TAS2R13: variants seen among roughly 807,000 people sequenced by gnomAD.
The protein encoded by TAS2R13 is taste receptor type 2 member 13.
For synonymous variants in TAS2R13, 129 were observed against 125.5 expected (o/e 1.03, Z -0.19); for missense variants, 384 against 347.5 (o/e 1.11, Z -0.84).
the TAS2R13 span, chr12:10,908,559 CAT>C: frequency 6.2e-7 from 1 of 1,613,864 alleles, no homozygotes; most frequent in Non-Finnish European, 8.5e-7. Flanking sequence ...TATGAGAACA[CAT>C]AGAAAGAAAC....
At position 10,908,491 on chromosome 12, in the gene TAS2R13, C is replaced by T. The variant is rs1042593012; in HGVS notation, c.808G>A (p.Gly270Arg). The change falls in exon 1 of 1, where the codon GGA becomes AGA. Residue 270 changes from glycine (G) to arginine (R), a missense_variant. By Grantham distance (125) the Gly-to-Arg change is moderately radical (BLOSUM62 -2). Coordinates refer to ENST00000390677, the MANE Select transcript of TAS2R13 (RefSeq NM_023920.2). ...GAGTGGCTTGAAGGAGAGAAGACTC[C>T]AATCGTCTCACAAAGCATGTAGATC... The part of the protein sequence containing the change: ...TVIYMLCETI[G>R]VFSPSSHSFL... The T allele has an allele frequency of 1.2e-6, 2 of 1,613,734 alleles. No individual in the cohort carries two copies. Among genetic ancestry groups the T allele is most frequent in the Admixed American group, 3.3e-5 (2 of 59,924 alleles).
chr12:10,909,242 A>G lies in TAS2R13; in HGVS notation c.57T>C (p.Ile19=). The change falls in exon 1 of 1, where the codon ATT becomes ATC. Residue 19 remains isoleucine, a synonymous_variant. Coordinates refer to ENST00000390677, the MANE Select transcript of TAS2R13 (RefSeq NM_023920.2). Reference sequence around the variant, plus strand: ...CTATAAATCCATTGCTCAAATTCCCAATTATGAATTCTGCAATTATTACAA... The same window carrying G: ...CTATAAATCCATTGCTCAAATTCCCGATTATGAATTCTGCAATTATTACAA... ...FTLVIIAEFI[I]GNLSNGFIVL... is the part of the protein sequence containing the mutation. 1 of 1,613,778 alleles carries G rather than the reference A, an allele frequency of 6.2e-7. No homozygotes were observed. Among genetic ancestry groups the G allele is most frequent in the Admixed American group, 1.7e-5 (1 of 59,948 alleles).
Position 10,908,551 on chromosome 12 carries a change from T to A in TAS2R13, c.748A>T (p.Ile250Leu). 1 of 1,613,912 alleles carries A rather than the reference T, an allele frequency of 6.2e-7. No homozygotes were observed. Among genetic ancestry groups the A allele is most frequent in the South Asian group, 1.1e-5 (1 of 91,068 alleles). Residue 250 changes from isoleucine (I) to leucine (L), a missense_variant, in exon 1 of 1, where the codon ATA becomes TTA. Physicochemically the swap from Ile to Leu is conservative, Grantham distance 5. Transcript: ENST00000390677. ...FYASFFLCVL[I>L]SWISELYQNT... ...TGATACAGCTCAGAAATCCATGATATGAGAACACATAGAAAGAAACTAGCA... is the reference window on the plus strand; with the variant it reads ...TGATACAGCTCAGAAATCCATGATAAGAGAACACATAGAAAGAAACTAGCA...
At position 10,908,702 on chromosome 12, in the gene TAS2R13, G is replaced by T. The variant is rs1226627670; in HGVS notation, c.597C>A (p.Leu199=). 1 of 1,613,868 alleles carries T rather than the reference G, an allele frequency of 6.2e-7. No individual in the cohort carries two copies. Residue 199 remains leucine (L), a synonymous_variant, in exon 1 of 1, where the codon CTC becomes CTA. Coordinates refer to ENST00000390677, the MANE Select transcript of TAS2R13 (RefSeq NM_023920.2). ...TPFTVAFISF[L]LLIFSLQKHL... ...GTTTCTGCAGGGAGAAAATTAACAG[G>T]AGAAAAGAGATGAAGGCCACAGTAA... is the stretch of plus-strand genomic sequence containing the variant.
In TAS2R13 at chr12:10,909,246, A is replaced by G; in HGVS notation, c.53T>C (p.Ile18Thr). ...IFTLVIIAEFIIGNLSNGFIV... is the reference protein window; with the variant it reads ...IFTLVIIAEFTIGNLSNGFIV... ...AAATCCATTGCTCAAATTCCCAATT[A>G]TGAATTCTGCAATTATTACAAGAGT... Residue 18 changes from isoleucine to threonine, a missense_variant, in exon 1 of 1, where the codon ATA (isoleucine) becomes ACA (threonine). Transcript: ENST00000390677. 1.2e-6 allele frequency: 2 copies of G among 1,613,760 alleles called. No individual in the cohort carries two copies. Among genetic ancestry groups the G allele is most frequent in the Non-Finnish European group, 1.7e-6 (2 of 1,179,854 alleles).
rs761242032 is a variant in TAS2R13 at position 10,908,836 on chromosome 12, A to G, written c.463T>C (p.Trp155Arg). 5 of 1,613,550 alleles carry G rather than the reference A, an allele frequency of 3.1e-6. No homozygotes were observed. Among genetic ancestry groups the G allele is most frequent in the Non-Finnish European group, 4.2e-6 (5 of 1,179,822 alleles). Reference sequence around the variant, plus strand: ...GTGTTTCTTTCATATCGGTCCAGCCAGTCTTTTATATGCATGTTTATTTGT... The same window carrying G: ...GTGTTTCTTTCATATCGGTCCAGCCGGTCTTTTATATGCATGTTTATTTGT... ...LIQINMHIKD[W>R]LDRYERNTTW... Residue 155 changes from tryptophan (W) to arginine (R), a missense_variant, in exon 1 of 1, where the codon TGG (tryptophan) becomes CGG (arginine). By Grantham distance (101) the Trp-to-Arg change is moderately radical. Coordinates refer to ENST00000390677, the MANE Select transcript of TAS2R13 (RefSeq NM_023920.2).
rs747923980 is a variant in TAS2R13 at position 10,908,519 on chromosome 12, T to C, written c.780A>G (p.Thr260=). 1.9e-6 allele frequency: 3 copies of C among 1,613,914 alleles called. No individual in the cohort carries two copies. Among genetic ancestry groups the C allele is most frequent in the Non-Finnish European group, 2.5e-6 (3 of 1,179,938 alleles). ...TCGTCTCACAAAGCATGTAGATCAC[T>C]GTGTTCTGATACAGCTCAGAAATCC... ...ISWISELYQN[T]VIYMLCETIG... The change falls in exon 1 of 1, where the codon ACA becomes ACG. Residue 260 remains threonine, a synonymous_variant. Transcript: ENST00000390677.
Position 10,909,375 on chromosome 12 carries a change from G to A in TAS2R13, c.-77C>T. 1 of 992,998 alleles carries A rather than the reference G, an allele frequency of 1.0e-6. No individual in the cohort carries two copies. The highest frequency in any genetic ancestry group is 1.6e-5 in the African/African-American group (1 of 61,352). The allele number at this position is 992,998 out of a possible 1,614,324, so 61.5% of individuals were successfully genotyped here. Reference sequence around the variant, plus strand: ...TCTAAAATGCTATTCACATCCTTGAGTGTCCAGTGGAGTTCTTCTTCCTTC... The same window carrying A: ...TCTAAAATGCTATTCACATCCTTGAATGTCCAGTGGAGTTCTTCTTCCTTC... On this transcript the variant is annotated 5_prime_UTR_variant, in exon 1 of 1. Coordinates refer to ENST00000390677, the MANE Select transcript of TAS2R13 (RefSeq NM_023920.2).
In TAS2R13 at chr12:10,909,552, C is replaced by T. The variant is rs899697146; in HGVS notation, c.-254G>A. 2 of 420,188 alleles carry T rather than the reference C, an allele frequency of 4.8e-6. No individual in the cohort carries two copies. The highest frequency in any genetic ancestry group is 8.6e-6 in the Non-Finnish European group (2 of 233,232). 26.0% of individuals were successfully genotyped at this position (420,188 alleles called of 1,614,324 possible). The stretch of plus-strand genomic sequence containing the variant: ...CCTAGCTAAGATATTTATGTCTTCA[C>T]CATGGGCAGAAATATTTCATAGATG... On this transcript the variant is annotated 5_prime_UTR_variant, in exon 1 of 1. In the 5' UTR this introduces an upstream ATG that the reference lacks. Transcript: ENST00000390677.
rs1376213783 is a variant in TAS2R13 at position 10,908,826 on chromosome 12, C to T, written c.473G>A (p.Arg158Gln). ...ATTCCAAGTTGTGTTTCTTTCATAT[C>T]GGTCCAGCCAGTCTTTTATATGCAT... ...INMHIKDWLD[R>Q]YERNTTWNFS... The change falls in exon 1 of 1, where the codon CGA becomes CAA. Residue 158 changes from arginine (R) to glutamine (Q), a missense_variant. By Grantham distance (43) the Arg-to-Gln change is conservative (BLOSUM62 1). Coordinates refer to ENST00000390677, the MANE Select transcript of TAS2R13 (RefSeq NM_023920.2). 15 of 1,613,624 alleles carry T rather than the reference C, an allele frequency of 9.3e-6. No homozygotes were observed. In the Admixed American group the frequency reaches 1.0e-4, roughly 11 times the overall value.
Position 10,909,382 on chromosome 12 carries a change from G to A in TAS2R13, c.-84C>T, listed in dbSNP as rs1396840522. 1.1e-6 allele frequency: 1 copy of A among 925,898 alleles called. No individual in the cohort carries two copies. Among genetic ancestry groups the A allele is most frequent in the Non-Finnish European group, 1.6e-6 (1 of 608,918 alleles). 57.4% of individuals were successfully genotyped at this position (925,898 alleles called of 1,614,324 possible). On this transcript the variant is annotated 5_prime_UTR_variant, in exon 1 of 1. Coordinates refer to ENST00000390677, the MANE Select transcript of TAS2R13 (RefSeq NM_023920.2). ...TGCTATTCACATCCTTGAGTGTCCA[G>A]TGGAGTTCTTCTTCCTTCTCCTTTT...
Position 10,909,473 on chromosome 12 carries a change from T to G in TAS2R13, c.-175A>C. 2 of 583,666 alleles carry G rather than the reference T, an allele frequency of 3.4e-6. No individual in the cohort carries two copies. The highest frequency in any genetic ancestry group is 3.1e-6 in the Non-Finnish European group (1 of 323,370). The allele number at this position is 583,666 out of a possible 1,614,324, so 36.2% of individuals were successfully genotyped here. On this transcript the variant is annotated 5_prime_UTR_variant, in exon 1 of 1. Coordinates refer to ENST00000390677, the MANE Select transcript of TAS2R13 (RefSeq NM_023920.2). The stretch of plus-strand genomic sequence containing the variant: ...AATCTCTAAAGTTTGCTGATCGATC[T>G]TCACATAACTGTTCTGGTGATATCT...
Position 10,908,060 on chromosome 12 carries a change from A to G in TAS2R13, c.*327T>C. On this transcript the variant is annotated 3_prime_UTR_variant, in exon 1 of 1. Coordinates refer to ENST00000390677, the MANE Select transcript of TAS2R13 (RefSeq NM_023920.2). ...ATCTCAATGAATGATTTAGAATTGA[A>G]GAGCCATTGCCAAACAAAAGATTGT... The G allele has an allele frequency of 4.1e-6, 1 of 242,336 alleles. No homozygotes were observed. The highest frequency in any genetic ancestry group is 7.8e-6 in the Non-Finnish European group (1 of 128,470). The allele number at this position is 242,336 out of a possible 1,614,324, so 15.0% of individuals were successfully genotyped here. A position where few individuals can be genotyped will look rare whatever the true frequency, so the allele number is the denominator to read the frequency against.
In TAS2R13 at chr12:10,909,069, A is replaced by C; in HGVS notation, c.230T>G (p.Val77Gly). ...CATAATTCTTAATCCTGTTCCAGAC[A>C]CAAATATGGCTAGATAATGCAGAGC... ...FLALHYLAIF[V>G]SGTGLRIMIF... is the part of the protein sequence containing the mutation. Residue 77 changes from valine to glycine, a missense_variant, in exon 1 of 1, where the codon GTG becomes GGG. Coordinates refer to ENST00000390677, the MANE Select transcript of TAS2R13 (RefSeq NM_023920.2). 1 of 1,613,686 alleles carries C rather than the reference A, an allele frequency of 6.2e-7. No individual in the cohort carries two copies. The highest frequency in any genetic ancestry group is 8.5e-7 in the Non-Finnish European group (1 of 1,179,962).
In TAS2R13 at chr12:10,909,120, C is replaced by G; in HGVS notation, c.179G>C (p.Trp60Ser). Residue 60 changes from tryptophan (W) to serine (S), a missense_variant, in exon 1 of 1, where the codon TGG becomes TCG. Transcript: ENST00000390677. Reference sequence around the variant, plus strand: ...TAAAAACCAACTTACTAATATTTCCCAGATCAGCCCAATTCTGGAGATTGC... The same window carrying G: ...TAAAAACCAACTTACTAATATTTCCGAGATCAGCCCAATTCTGGAGATTGC... ...ILAISRIGLIWEILVSWFLAL... is the reference protein window; with the variant it reads ...ILAISRIGLISEILVSWFLAL... 6.2e-7 allele frequency: 1 copy of G among 1,613,782 alleles called. No homozygotes were observed. Among genetic ancestry groups the G allele is most frequent in the East Asian group, 2.2e-5 (1 of 44,864 alleles).
Position 10,908,577 on chromosome 12 carries a change from T to G in TAS2R13, c.722A>C (p.Tyr241Ser). The G allele has an allele frequency of 6.2e-7, 1 of 1,613,944 alleles. No homozygotes were observed. The highest frequency in any genetic ancestry group is 8.5e-7 in the Non-Finnish European group (1 of 1,179,930). Residue 241 changes from tyrosine (Y) to serine (S), a missense_variant, in exon 1 of 1, where the codon TAT (tyrosine) becomes TCT (serine). Coordinates refer to ENST00000390677, the MANE Select transcript of TAS2R13 (RefSeq NM_023920.2). Reference protein sequence around the residue: ...LKIVISFLLFYASFFLCVLIS... With the variant: ...LKIVISFLLFSASFFLCVLIS... ...GAGAACACATAGAAAGAAACTAGCA[T>G]AGAATAAAAGGAATGAGATCACAAT...
Position 10,908,765 on chromosome 12 carries a change from C to G in TAS2R13, c.534G>C (p.Ser178=), listed in dbSNP as rs745787811. The change falls in exon 1 of 1, where the codon TCG becomes TCC. Residue 178 remains serine (S), a synonymous_variant. Coordinates refer to ENST00000390677, the MANE Select transcript of TAS2R13 (RefSeq NM_023920.2). ...TGAACATAGTCATAGTGAATTTGAC[C>G]GACACTGAAAATGTTTCAAAGTCAC... ...SMSDFETFSV[S]VKFTMTMFSL... is the part of the protein sequence containing the mutation. 6.2e-7 allele frequency: 1 copy of G among 1,613,726 alleles called. No homozygotes were observed. Among genetic ancestry groups the G allele is most frequent in the Admixed American group, 1.7e-5 (1 of 59,936 alleles).
chr12:10,908,486 G>A lies in TAS2R13; in HGVS notation c.813C>T (p.Val271=). Residue 271 remains valine (V), a synonymous_variant, in exon 1 of 1, where the codon GTC becomes GTT. Coordinates refer to ENST00000390677, the MANE Select transcript of TAS2R13 (RefSeq NM_023920.2). Reference sequence around the variant, plus strand: ...GAAAGGAGTGGCTTGAAGGAGAGAAGACTCCAATCGTCTCACAAAGCATGT... The same window carrying A: ...GAAAGGAGTGGCTTGAAGGAGAGAAAACTCCAATCGTCTCACAAAGCATGT... ...VIYMLCETIG[V]FSPSSHSFLL... is the part of the protein sequence containing the mutation. The A allele has an allele frequency of 6.2e-7, 1 of 1,613,902 alleles. No individual in the cohort carries two copies.
In TAS2R13 at chr12:10,908,675, A is replaced by T; in HGVS notation, c.624T>A (p.His208Gln). 6.2e-7 allele frequency: 1 copy of T among 1,613,920 alleles called. No individual in the cohort carries two copies. ...TGTAATTGAGTTGCATTTTCTGGAG[A>T]TGTTTCTGCAGGGAGAAAATTAACA... ...FLLLIFSLQKHLQKMQLNYKG... is the reference protein window; with the variant it reads ...FLLLIFSLQKQLQKMQLNYKG... The change falls in exon 1 of 1, where the codon CAT (histidine) becomes CAA (glutamine). Residue 208 changes from histidine to glutamine, a missense_variant. His to Gln is a conservative substitution (Grantham distance 24). Transcript: ENST00000390677.
Sources: gnomAD v4.1 joint callset for allele counts on GRCh38, gnomAD v4.1.1 for gene constraint, MANE v1.5 for transcripts, NCBI Gene and HGNC (gene_info 2026-07-23, HGNC 2026-07-21) for gene names.